Variants in VCL observed in about 807,000 individuals in gnomAD.
The protein encoded by VCL is epididymis luminal protein 114.
Under a neutral mutation model 125.7 loss-of-function variants are expected in VCL, and 47 were observed. The ratio of observed to expected loss-of-function variants is 0.37; its 90% CI spans 0.30 to 0.48. The LOEUF (loss-of-function observed/expected upper bound fraction) is 0.48, where lower values mean the gene tolerates loss of function less well. Ranked by LOEUF, VCL falls within the 20% of genes least tolerant of loss-of-function variation. The pLI, the probability that VCL is intolerant of heterozygous loss-of-function variation, is 0.99. For synonymous variants in VCL, 458 were observed against 514.6 expected, an observed-to-expected ratio of 0.89 and a Z score of 1.49; for missense variants, 1,069 against 1,455.5, an observed-to-expected ratio of 0.73 and a Z score of 4.32.
At position 74,114,096 on chromosome 10, in the gene VCL, C is replaced by T; in HGVS notation, c.2950-88C>T. On this transcript the variant is annotated intron_variant, in intron 19 of 21. Coordinates refer to ENST00000211998, the MANE Select transcript of VCL (RefSeq NM_014000.3). The stretch of plus-strand genomic sequence containing the variant: ...TCCGGAGGGATGCTAAGGTGGCAAG[C>T]TCCCTCCTCTTCTCTGTGCTTCTCC... 2.7e-6 allele frequency: 4 copies of T among 1,508,694 alleles called. No individual in the cohort carries two copies. The Admixed American group carries it at 7.0e-5, about 26-fold the overall frequency. The allele number at this position is 1,508,694 out of a possible 1,614,324, so 93.5% of individuals were successfully genotyped here. A position where few individuals can be genotyped will look rare whatever the true frequency, so the allele number is the denominator to read the frequency against.
chr10:74,070,582 A>C, intron 2 of VCL, 88 bp from the exon 3 acceptor site: 1 of 1,579,300 alleles, frequency 6.3e-7, no homozygotes, highest in Non-Finnish European at 8.6e-7. Context: ...AAAACTGTGA[A>C]TTTACATGCA....
chr10:74,112,805 C>A (rs1840248694), intron 19 of VCL, among the ~76,000 whole-genome samples: 1 of 152,104 alleles, frequency 6.6e-6, no homozygotes, highest in Non-Finnish European at 1.5e-5. Context: ...TCACTTTTCC[C>A]TTTAAAGGTG....
chr10:74,105,845 G>A (rs1216858691), intron 16 of VCL, among the ~76,000 whole-genome samples: 2 of 145,440 alleles, frequency 1.4e-5, no homozygotes, highest in Admixed American at 7.0e-5. Flanking sequence ...GTGAGCCACC[G>A]TGCCCAACCT....
At chr10:74,000,018 C>G (rs1366651122) in intron 1 of VCL, among the ~76,000 whole-genome samples, 1 of 152,094 alleles carries the variant, frequency 6.6e-6, no homozygotes, top group Non-Finnish European at 1.5e-5. Flanking sequence ...ATCTTAAAAC[C>G]ACATGTTGCA....
In VCL at chr10:74,095,768, A is replaced by G; in HGVS notation, c.1656A>G (p.Thr552=). The change falls in exon 12 of 22, where the codon ACA becomes ACG. Residue 552 remains threonine, a synonymous_variant. Transcript: ENST00000211998. ...AGTGTGACCGAGTGGACCAGCTGAC[A>G]GCCCAGCTGGCTGACCTGGCTGCCA... The part of the protein sequence containing the change: ...LAKCDRVDQL[T]AQLADLAARG... The G allele has an allele frequency of 4.3e-6, 7 of 1,614,236 alleles. No homozygotes were observed. The highest frequency in any genetic ancestry group is 5.9e-6 in the Non-Finnish European group (7 of 1,180,038).
intron 1 of VCL, among the ~76,000 whole-genome samples, chr10:74,039,422 C>T (rs544071422): frequency 1.3e-5 from 2 of 152,174 alleles, no homozygotes; most frequent in South Asian, 4.1e-4. Flanking sequence ...CTGCAATCAT[C>T]TAGGAGAGTG....
chr10:74,103,888 C>A lies in VCL; in HGVS notation c.2091C>A (p.Thr697=), dbSNP rs775493699. ...AAGCTGCTTATGAACATTTTGAGAC[C>A]ATGAAGAACCAGTGGATCGATAATG... ...GNQAAYEHFE[T]MKNQWIDNVE... is the part of the protein sequence containing the mutation. Residue 697 remains threonine, a synonymous_variant, in exon 15 of 22, where the codon ACC becomes ACA. Coordinates refer to ENST00000211998, the MANE Select transcript of VCL (RefSeq NM_014000.3). 1.9e-6 allele frequency: 3 copies of A among 1,614,102 alleles called. No individual in the cohort carries two copies. The Admixed American group carries it at 5.0e-5, about 27-fold the overall frequency.
intron 1 of VCL, among the ~76,000 whole-genome samples, chr10:74,000,487 C>G (rs1840207086): frequency 6.6e-6 from 1 of 151,906 alleles, no homozygotes; most frequent in Non-Finnish European, 1.5e-5. Flanking sequence ...CGATCTGGGC[C>G]CACTGCAACG....
intron 17 of VCL, among the ~76,000 whole-genome samples, 194 bp from the exon 18 acceptor site, chr10:74,108,777 G>C (rs1840176194): frequency 6.6e-6 from 1 of 152,186 alleles, no homozygotes; most frequent in Non-Finnish European, 1.5e-5. Context: ...ACTGCGCCCG[G>C]CCACTGCTAG....
chr10:74,041,770 G>A (rs898779392), intron 1 of VCL, among the ~76,000 whole-genome samples: 1 of 152,088 alleles, frequency 6.6e-6, no homozygotes, highest in African/African-American at 2.4e-5. Context: ...GGGTGTGGTG[G>A]CACATGCCTG....
intron 1 of VCL, among the ~76,000 whole-genome samples, chr10:74,040,043 G>A (rs1841063868): frequency 6.6e-6 from 1 of 152,094 alleles, no homozygotes; most frequent in African/African-American, 2.4e-5. Flanking sequence ...CCCCTAGATT[G>A]TTCTTGCCTA....
At chr10:74,094,245 C>T in intron 10 of VCL, 26 bp from the exon 11 acceptor site, 4 of 1,613,754 alleles carry the variant, frequency 2.5e-6, no homozygotes, top group Non-Finnish European at 3.4e-6. Context: ...TTATGTGTGA[C>T]AGGATGGCTG....
chr10:74,022,288 G>T (rs1018900545), intron 1 of VCL, among the ~76,000 whole-genome samples: 1 of 152,124 alleles, frequency 6.6e-6, no homozygotes, highest in Non-Finnish European at 1.5e-5. Context: ...GCTCATGCCT[G>T]TAATCCCAGC....
intron 16 of VCL, among the ~76,000 whole-genome samples, chr10:74,105,672 T>C (rs1164917348): frequency 6.6e-6 from 1 of 152,130 alleles, no homozygotes; most frequent in Non-Finnish European, 1.5e-5. Flanking sequence ...TTCTCCTACC[T>C]CAGCCTCCCG....
At chr10:74,052,956 T>A (rs1281305758) in intron 2 of VCL, among the ~76,000 whole-genome samples, 3 of 149,748 alleles carry the variant, frequency 2.0e-5, no homozygotes, top group African/African-American at 7.3e-5. Context: ...AATATATATA[T>A]ATATATATAT....
At chr10:74,026,939 T>A (rs151074364) in intron 1 of VCL, among the ~76,000 whole-genome samples, 1 of 152,350 alleles carries the variant, frequency 6.6e-6, no homozygotes, top group East Asian at 1.9e-4. Context: ...TGGAGTTACT[T>A]TTCCATGGAG....
Position 74,119,410 on chromosome 10 carries a change from T to C in VCL, c.*1241T>C, listed in dbSNP as rs1260686726. The C allele has an allele frequency of 3.6e-4, 55 of 152,238 alleles. 1 individual carries two copies. The highest frequency in any genetic ancestry group is 3.6e-3 in the Admixed American group (55 of 15,286). 9.4% of individuals were successfully genotyped at this position (152,238 alleles called of 1,614,324 possible). ...ATGAATCAATGGGAAATACTACTCC[T>C]GTAATTCCTACCTCCCTGCAACCAA... On this transcript the variant is annotated 3_prime_UTR_variant, in exon 22 of 22. Transcript: ENST00000211998.
chr10:74,066,061 A>ATT (rs954704183), intron 2 of VCL, among the ~76,000 whole-genome samples: 1,492 of 137,466 alleles, frequency 0.011, 20 homozygotes, highest in South Asian at 0.049. Flanking sequence ...ATATATATAT[A>ATT]TTTTTTTTTT....
intron 2 of VCL, among the ~76,000 whole-genome samples, chr10:74,062,686 G>A (rs1269076229): frequency 1.3e-5 from 2 of 152,212 alleles, no homozygotes; most frequent in East Asian, 3.9e-4. Context: ...TTGGGCTCAA[G>A]TGATTCTCCC....
Sources: gnomAD v4.1 joint callset for allele counts (sites outside exome capture counted in the v4.1 genomes callset) on GRCh38, gnomAD v4.1.1 for gene constraint, MANE v1.5 for transcripts, NCBI Gene and HGNC (gene_info 2026-07-23, HGNC 2026-07-21) for gene names.